CNOT2: variants seen among roughly 807,000 people sequenced by gnomAD.
The protein encoded by CNOT2 is CCR4-NOT transcription complex subunit 2, also known as CC chemokine receptor 4-negative regulator of transcription 2.
A neutral mutation model predicts 72.1 loss-of-function variants in CNOT2; 7 were observed. The observed-to-expected ratio is 0.10, with a 90% CI of 0.06 to 0.18. The LOEUF (loss-of-function observed/expected upper bound fraction) is 0.18, where lower values mean the gene tolerates loss of function less well. Among genes scored for constraint, CNOT2 ranks in the 10% least tolerant of loss-of-function variants. CNOT2 has a pLI of 1.00. For missense variants in CNOT2, 345 were observed against 660.3 expected (o/e 0.52, Z 5.23); for synonymous variants, 196 against 225.6 (o/e 0.87, Z 1.17).
intron 4 of CNOT2, chr12:70,327,662 T>A (rs554538280): frequency 6.6e-6 from 1 of 151,950 alleles, no homozygotes; most frequent in Non-Finnish European, 1.5e-5. Flanking sequence ...AATTTGCAGC[T>A]ATAGTTGACT....
chr12:70,339,840 A>T (rs1432807242), intron 11 of CNOT2, among the ~76,000 whole-genome samples: 1 of 152,168 alleles, frequency 6.6e-6, no homozygotes, highest in African/African-American at 2.4e-5. Flanking sequence ...CATTTAGCAC[A>T]GTCTAGCCAA....
intron 2 of CNOT2, among the ~76,000 whole-genome samples, chr12:70,286,076 CA>C (rs1393601128): frequency 7.3e-6 from 1 of 137,514 alleles, no homozygotes; most frequent in Non-Finnish European, 1.6e-5. Context: ...GAGAGGGGAG[CA>C]GAACCAGGAA....
chr12:70,352,318 T>A (rs1282600226), intron 15 of CNOT2, among the ~76,000 whole-genome samples: 4 of 152,216 alleles, frequency 2.6e-5, no homozygotes, highest in Non-Finnish European at 4.4e-5. Context: ...AATAATGATA[T>A]CTGCTTTACA....
chr12:70,246,592 C>G (rs1957886077), intron 1 of CNOT2, among the ~76,000 whole-genome samples: 1 of 152,084 alleles, frequency 6.6e-6, no homozygotes, highest in Non-Finnish European at 1.5e-5. Flanking sequence ...CAGTTTCTAC[C>G]TGTGATACTT....
intron 9 of CNOT2, chr12:70,338,023 G>T: frequency 4.2e-6 from 1 of 236,214 alleles, no homozygotes; most frequent in Non-Finnish European, 8.3e-6. Context: ...TAAGTACAAA[G>T]TTTTAAAGCT....
chr12:70,313,525 C>A (rs1876818405), intron 3 of CNOT2, among the ~76,000 whole-genome samples: 1 of 151,908 alleles, frequency 6.6e-6, no homozygotes, highest in Non-Finnish European at 1.5e-5. Flanking sequence ...TTTGGTTTAA[C>A]CTGTGAATTG....
chr12:70,346,380 C>T (rs754805599), intron 15 of CNOT2, 56 bp downstream of exon 15: 9 of 1,425,396 alleles, frequency 6.3e-6, no homozygotes, highest in Non-Finnish European at 8.9e-6. Flanking sequence ...AAGAAGTGTC[C>T]TCTTTTATCT....
chr12:70,294,050 T>C (rs1162927910), intron 2 of CNOT2: 1 of 1,156,428 alleles, frequency 8.6e-7, no homozygotes, highest in Non-Finnish European at 1.2e-6. Flanking sequence ...CTTTATAGCA[T>C]GATTTCCTTA....
chr12:70,345,983 G>T, intron 14 of CNOT2, 197 bp from the exon 15 acceptor site: 1 of 483,340 alleles, frequency 2.1e-6, no homozygotes, highest in Non-Finnish European at 3.6e-6. Flanking sequence ...TGTGCCTTCT[G>T]GACAAATTAA....
At chr12:70,302,490 G>C (rs1874227527) in intron 2 of CNOT2, among the ~76,000 whole-genome samples, 1 of 151,928 alleles carries the variant, frequency 6.6e-6, no homozygotes, top group African/African-American at 2.4e-5. Flanking sequence ...AGTCATTCAG[G>C]AGCAGGTTGT....
At chr12:70,301,172 T>C (rs963438174) in intron 2 of CNOT2, among the ~76,000 whole-genome samples, 25 of 152,012 alleles carry the variant, frequency 1.6e-4, no homozygotes, top group Admixed American at 2.0e-4. Flanking sequence ...GCAAACAGGG[T>C]CAATTTGACT....
At chr12:70,311,199 T>C (rs372042985) in intron 3 of CNOT2, among the ~76,000 whole-genome samples, 182 bp downstream of exon 3, 1 of 151,958 alleles carries the variant, frequency 6.6e-6, no homozygotes, top group Admixed American at 6.6e-5. Context: ...TGTATTCTAA[T>C]GGGGAAAATA....
intron 1 of CNOT2, among the ~76,000 whole-genome samples, chr12:70,251,967 T>C (rs1440229854): frequency 6.6e-6 from 1 of 152,188 alleles, no homozygotes; most frequent in African/African-American, 2.4e-5. Context: ...ATAAAATCCC[T>C]ACATAGGTGC....
chr12:70,311,827 A>G (rs1876516900), intron 3 of CNOT2, among the ~76,000 whole-genome samples: 1 of 151,880 alleles, frequency 6.6e-6, no homozygotes, highest in Non-Finnish European at 1.5e-5. Context: ...AATCTACTCT[A>G]GCTATTAACC....
intron 15 of CNOT2, among the ~76,000 whole-genome samples, chr12:70,348,498 A>G (rs1290961610): frequency 6.6e-6 from 1 of 152,164 alleles, no homozygotes; most frequent in Non-Finnish European, 1.5e-5. Context: ...ACATCTTTGG[A>G]AGAAGAAAAA....
intron 1 of CNOT2, among the ~76,000 whole-genome samples, chr12:70,271,899 A>G (rs930977386): frequency 2.0e-5 from 3 of 152,214 alleles, no homozygotes; most frequent in Non-Finnish European, 4.4e-5. Flanking sequence ...TAAAAGATGC[A>G]TTATAGATGT....
chr12:70,353,837 T>C lies in CNOT2; in HGVS notation c.1545T>C (p.His515=). 6.2e-7 allele frequency: 1 copy of C among 1,605,218 alleles called. No homozygotes were observed. Among genetic ancestry groups the C allele is most frequent in the South Asian group, 1.1e-5 (1 of 90,298 alleles). ...LNWRKVAKEF[H]LEYDKLEERP... is the part of the protein sequence containing the mutation. Reference sequence around the variant, plus strand: ...TGAATTTGTTTTTATAGGAGTTCCATCTGGAATATGACAAATTAGAAGAAC... The same window carrying C: ...TGAATTTGTTTTTATAGGAGTTCCACCTGGAATATGACAAATTAGAAGAAC... The change falls in exon 16 of 16, where the codon CAT becomes CAC. Residue 515 remains histidine (H), a synonymous_variant. Coordinates refer to ENST00000229195, the MANE Select transcript of CNOT2 (RefSeq NM_014515.7).
At chr12:70,324,354 A>C (rs1250818886) in intron 4 of CNOT2, 2 of 151,714 alleles carry the variant, frequency 1.3e-5, no homozygotes, top group African/African-American at 2.4e-5. Context: ...GGAGAGAGAG[A>C]GAGAGAATGT....
intron 1 of CNOT2, among the ~76,000 whole-genome samples, chr12:70,256,641 A>C (rs1435326152): frequency 6.6e-6 from 1 of 151,904 alleles, no homozygotes; most frequent in Non-Finnish European, 1.5e-5. Context: ...AAAAGTAGAA[A>C]GGTTGGTGAG....
Sources: allele counts gnomAD v4.1 joint callset (sites outside exome capture counted in the v4.1 genomes callset), GRCh38; gene constraint gnomAD v4.1.1; transcripts MANE v1.5; gene names NCBI Gene and HGNC (gene_info 2026-07-23, HGNC 2026-07-21).